The following PGM2L1 variants were observed in gnomAD, a reference collection of about 807,000 sequenced individuals.
The protein encoded by PGM2L1 is phosphoglucomutase 2 like 1.
Under a neutral mutation model 73.4 loss-of-function variants are expected in PGM2L1, and 35 were observed. The observed-to-expected ratio is 0.48, with a 90% CI of 0.36 to 0.63. The LOEUF (loss-of-function observed/expected upper bound fraction) is 0.63, where lower values mean the gene tolerates loss of function less well. Ranked by LOEUF, PGM2L1 falls within the 30% of genes least tolerant of loss-of-function variation. PGM2L1 has a pLI of 0.00. For synonymous variants in PGM2L1, 225 were observed against 253.8 expected (o/e 0.89, Z 1.08); for missense variants, 570 against 742.0 (o/e 0.77, Z 2.69).
chr11:74,339,227 T>C (rs1862146455), intron 12 of PGM2L1, among the ~76,000 whole-genome samples: 1 of 152,186 alleles, frequency 6.6e-6, no homozygotes, highest in South Asian at 2.1e-4. Context: ...CGTTTATCAA[T>C]CGTCTCCAAA....
intron 2 of PGM2L1, among the ~76,000 whole-genome samples, chr11:74,374,052 C>CA (rs60395088): frequency 0.17 from 14,848 of 85,490 alleles, 1,106 homozygotes; most frequent in Middle Eastern, 0.25. Context: ...TTTATAAAGC[C>CA]AAAAAAAAAA....
Position 74,398,275 on chromosome 11 carries a change from C to G in PGM2L1, c.-114G>C. 2 of 1,386,396 alleles carry G rather than the reference C, an allele frequency of 1.4e-6. No individual in the cohort carries two copies. Among genetic ancestry groups the G allele is most frequent in the Non-Finnish European group, 1.9e-6 (2 of 1,061,318 alleles). 85.9% of individuals were successfully genotyped at this position (1,386,396 alleles called of 1,614,324 possible). On this transcript the variant is annotated 5_prime_UTR_variant, in exon 1 of 14. Coordinates refer to ENST00000298198, the MANE Select transcript of PGM2L1 (RefSeq NM_173582.6). ...GCGTCCCCACCTCACTGAAGGGCAT[C>G]GGAGACCAACCGCAGGGTGTTCGTA...
At chr11:74,396,098 A>AC (rs1311484838) in intron 1 of PGM2L1, among the ~76,000 whole-genome samples, 1 of 151,684 alleles carries the variant, frequency 6.6e-6, no homozygotes, top group African/African-American at 2.4e-5. Flanking sequence ...AAAAAAAAAA[A>AC]ATTTTTTTTA....
chr11:74,367,153 A>G (rs1862673059), intron 5 of PGM2L1, among the ~76,000 whole-genome samples: 1 of 152,202 alleles, frequency 6.6e-6, no homozygotes, highest in Admixed American at 6.5e-5. Context: ...ATGTTAATTT[A>G]CAGAGATAAC....
rs751268081 is a variant in PGM2L1 at position 74,398,054 on chromosome 11, A to G, written c.108T>C (p.Asp36=). ...DTAIGQWLRW[D]KNPKTKEQIE... ...GCCGGGCTGACCAGGTACCCACCTT[A>G]TCCCAGCGGAGCCACTGCCCGATGG... The change falls in exon 1 of 14, where the codon GAT becomes GAC. Residue 36 remains aspartate (D), a synonymous_variant. Transcript: ENST00000298198. 1.2e-6 allele frequency: 2 copies of G among 1,606,962 alleles called. No individual in the cohort carries two copies. The highest frequency in any genetic ancestry group is 2.2e-5 in the South Asian group (2 of 89,968).
intron 5 of PGM2L1, among the ~76,000 whole-genome samples, chr11:74,363,440 T>C (rs1862598768): frequency 6.6e-6 from 1 of 151,810 alleles, no homozygotes; most frequent in Non-Finnish European, 1.5e-5. Flanking sequence ...AAAAAATTAA[T>C]GAATCCAGAT....
chr11:74,360,595 G>A (rs1405293052), intron 5 of PGM2L1, among the ~76,000 whole-genome samples: 3 of 152,126 alleles, frequency 2.0e-5, no homozygotes, highest in African/African-American at 7.2e-5. Flanking sequence ...AGTGTGAGTC[G>A]AAGCAGGGTG....
intron 12 of PGM2L1, among the ~76,000 whole-genome samples, chr11:74,342,129 C>T (rs1452201992): frequency 1.3e-5 from 2 of 152,136 alleles, no homozygotes; most frequent in African/African-American, 4.8e-5. Context: ...GAGGTCATGA[C>T]CAGTGCTTGG....
intron 5 of PGM2L1, among the ~76,000 whole-genome samples, chr11:74,359,378 C>G (rs1252697110): frequency 6.6e-6 from 1 of 151,974 alleles, no homozygotes; most frequent in Non-Finnish European, 1.5e-5. Context: ...GAGGAGCCCT[C>G]TCTACTTCTG....
At chr11:74,340,665 C>T (rs1246743142) in intron 12 of PGM2L1, among the ~76,000 whole-genome samples, 2 of 152,062 alleles carry the variant, frequency 1.3e-5, no homozygotes, top group Admixed American at 1.3e-4. Flanking sequence ...GTTGAGCAGC[C>T]ACAACATAGG....
At chr11:74,372,824 T>C (rs567514912) in intron 2 of PGM2L1, among the ~76,000 whole-genome samples, 1 of 152,216 alleles carries the variant, frequency 6.6e-6, no homozygotes, top group Non-Finnish European at 1.5e-5. Flanking sequence ...TGCCTGAGTC[T>C]CTCAAGTACA....
chr11:74,338,966 G>T (rs1415449123), intron 12 of PGM2L1, among the ~76,000 whole-genome samples: 2 of 152,100 alleles, frequency 1.3e-5, no homozygotes, highest in African/African-American at 4.8e-5. Flanking sequence ...AAATACAAAT[G>T]AAGATTACCT....
intron 4 of PGM2L1, among the ~76,000 whole-genome samples, chr11:74,369,294 A>G (rs1167973823): frequency 2.0e-5 from 3 of 151,388 alleles, no homozygotes; most frequent in African/African-American, 4.9e-5. Context: ...ACAAAAATGG[A>G]TAATGGAAAG....
chr11:74,368,541 C>T lies in PGM2L1; in HGVS notation c.506G>A (p.Gly169Asp). ...YAVQKLKAVAGVMITASHNRK... is the reference protein window; with the variant it reads ...YAVQKLKAVADVMITASHNRK... ...GTTGTGAGAGGCAGTAATCATCACACCTGCAACTGCTTTGAGCTTCTGAAC... is the reference window on the plus strand; with the variant it reads ...GTTGTGAGAGGCAGTAATCATCACATCTGCAACTGCTTTGAGCTTCTGAAC... Residue 169 changes from glycine to aspartate, a missense_variant, in exon 5 of 14, where the codon GGT becomes GAT. Coordinates refer to ENST00000298198, the MANE Select transcript of PGM2L1 (RefSeq NM_173582.6). The T allele has an allele frequency of 1.2e-6, 2 of 1,613,934 alleles. No individual in the cohort carries two copies. The highest frequency in any genetic ancestry group is 4.5e-5 in the East Asian group (2 of 44,858).
At chr11:74,387,741 T>A (rs1863037525) in intron 1 of PGM2L1, among the ~76,000 whole-genome samples, 1 of 152,236 alleles carries the variant, frequency 6.6e-6, no homozygotes, top group Admixed American at 6.5e-5. Context: ...TAAAAGCCAA[T>A]GTCAGACAGT....
intron 5 of PGM2L1, among the ~76,000 whole-genome samples, chr11:74,363,034 C>G (rs1248966061): frequency 6.6e-6 from 1 of 152,258 alleles, no homozygotes; most frequent in East Asian, 1.9e-4. Flanking sequence ...TTATAACAAA[C>G]TGTCTCTCAG....
chr11:74,369,568 A>T (rs1314626431), intron 4 of PGM2L1, among the ~76,000 whole-genome samples: 9 of 152,212 alleles, frequency 5.9e-5, no homozygotes, highest in African/African-American at 2.2e-4. Context: ...TTCATATTAA[A>T]GGAACTCCCA....
At position 74,347,214 on chromosome 11, in the gene PGM2L1, T is replaced by C. The variant is rs1420023486; in HGVS notation, c.873A>G (p.Gln291=). ...GFKPPIPVPE[Q]KDPDPDFSTV... is the part of the protein sequence containing the mutation. ...TAGAAAAGTCTGGATCAGGATCTTT[T>C]TGTTCTGGTACTGGAATTGGAGGCT... Residue 291 remains glutamine (Q), a synonymous_variant, in exon 7 of 14, where the codon CAA becomes CAG. Coordinates refer to ENST00000298198, the MANE Select transcript of PGM2L1 (RefSeq NM_173582.6). The C allele has an allele frequency of 1.9e-6, 3 of 1,612,178 alleles. No homozygotes were observed. The highest frequency in any genetic ancestry group is 2.5e-6 in the Non-Finnish European group (3 of 1,179,084).
intron 1 of PGM2L1, among the ~76,000 whole-genome samples, chr11:74,385,663 T>TG (rs1437452830): frequency 8.5e-5 from 13 of 152,160 alleles, no homozygotes; most frequent in African/African-American, 3.1e-4. Context: ...ATTTAACGTA[T>TG]ACTCAGACAA....
Sources: allele counts gnomAD v4.1 joint callset (sites outside exome capture counted in the v4.1 genomes callset), GRCh38; gene constraint gnomAD v4.1.1; transcripts MANE v1.5; gene names NCBI Gene and HGNC (gene_info 2026-07-23, HGNC 2026-07-21).